Variants in RBFOX1 observed in about 807,000 individuals in gnomAD.
RBFOX1 encodes RNA binding fox-1 homolog 1, also known as RNA binding protein fox-1 homolog 1.
A neutral mutation model predicts 57.7 loss-of-function variants in RBFOX1; 8 were observed. The observed-to-expected ratio is 0.14, with a 90% CI of 0.08 to 0.25. The LOEUF is 0.25. Among genes scored for constraint, RBFOX1 ranks in the 10% least tolerant of loss-of-function variants. The pLI is 1.00. For synonymous variants in RBFOX1, 326 were observed against 222.4 expected, an observed-to-expected ratio of 1.47 and a Z score of -4.15; for missense variants, 611 against 548.5, an observed-to-expected ratio of 1.11 and a Z score of -1.14.
intron 2 of RBFOX1, among the ~76,000 whole-genome samples, chr16:6,458,660 G>A (rs961823365): frequency 5.9e-5 from 9 of 152,206 alleles, no homozygotes; most frequent in Non-Finnish European, 1.0e-4. Flanking sequence ...TATATGCAGA[G>A]GCCCCTCAAA....
intron 2 of RBFOX1, among the ~76,000 whole-genome samples, chr16:5,528,068 T>C (rs1411697266): frequency 6.6e-6 from 1 of 152,174 alleles, no homozygotes; most frequent in Non-Finnish European, 1.5e-5. Flanking sequence ...ATTTACTGCA[T>C]GGATTTAGTC....
intron 4 of RBFOX1, among the ~76,000 whole-genome samples, chr16:6,005,732 G>A (rs967686846): frequency 6.6e-5 from 10 of 152,208 alleles, no homozygotes; most frequent in Non-Finnish European, 2.9e-5. Context: ...AGTCTGTTCA[G>A]TAGAGATATT....
intron 3 of RBFOX1, among the ~76,000 whole-genome samples, chr16:5,657,622 C>CTTTCTTTCTT (rs1433340400): frequency 2.9e-5 from 3 of 102,998 alleles, no homozygotes; most frequent in Non-Finnish European, 3.7e-5. Context: ...CTTTCTTTCT[C>CTTTCTTTCTT]TCTTTCTTTC....
Position 5,698,367 on chromosome 16 carries a change from T to C in RBFOX1, c.318+99406T>C, listed in dbSNP as rs149297866. On this transcript the variant is annotated intron_variant, in intron 3 of 19. Transcript: ENST00000641259. Reference sequence around the variant, plus strand: ...TTTTTTGCTTTTGGGGTGTGTATATTAGATAGACAAGGCAACTTTGATCAT... The same window carrying C: ...TTTTTTGCTTTTGGGGTGTGTATATCAGATAGACAAGGCAACTTTGATCAT... Among the ~76,000 whole-genome samples the C allele has an allele frequency of 8.9e-3, 1,360 of 152,284 alleles. 30 individuals are homozygous for C. Among genetic ancestry groups the C allele is most frequent in the African/African-American group, 0.031 (1,300 of 41,560 alleles).
At chr16:7,653,474 C>A (rs939553346) in intron 11 of RBFOX1, among the ~76,000 whole-genome samples, 1 of 152,180 alleles carries the variant, frequency 6.6e-6, no homozygotes, top group Non-Finnish European at 1.5e-5. Context: ...CCACTGCACT[C>A]CAGCCTGGGT....
intron 1 of RBFOX1, among the ~76,000 whole-genome samples, chr16:6,237,221 T>G (rs920783501): frequency 2.0e-5 from 3 of 152,216 alleles, no homozygotes; most frequent in Admixed American, 6.5e-5. Flanking sequence ...TTCGTCTTTG[T>G]TATCTTGCTA....
chr16:5,940,563 G>A (rs1001200108), intron 4 of RBFOX1, among the ~76,000 whole-genome samples: 1 of 152,104 alleles, frequency 6.6e-6, no homozygotes, highest in Admixed American at 6.6e-5. Flanking sequence ...GCTTGCTTTG[G>A]GAAATTATAA....
At chr16:7,273,329 C>T (rs1047517705) in intron 4 of RBFOX1, among the ~76,000 whole-genome samples, 2 of 151,032 alleles carry the variant, frequency 1.3e-5, no homozygotes, top group Admixed American at 6.6e-5. Context: ...GCACTCTCTG[C>T]TGTGTCTTTA....
chr16:5,688,117 C>T (rs909232298), intron 3 of RBFOX1, among the ~76,000 whole-genome samples: 4 of 152,172 alleles, frequency 2.6e-5, no homozygotes, highest in Admixed American at 6.5e-5. Flanking sequence ...TTATTATACT[C>T]TTGTAGTTCT....
At chr16:5,385,066 A>G (rs1387393354) in intron 1 of RBFOX1, among the ~76,000 whole-genome samples, 1 of 152,228 alleles carries the variant, frequency 6.6e-6, no homozygotes, top group African/African-American at 2.4e-5. Flanking sequence ...AGAATAGTCA[A>G]ATGTATTTTG....
chr16:6,470,186 G>A (rs2095141895), intron 2 of RBFOX1, among the ~76,000 whole-genome samples: 1 of 152,170 alleles, frequency 6.6e-6, no homozygotes, highest in South Asian at 2.1e-4. Flanking sequence ...GGTAGGGCTG[G>A]CTGTTTGTCT....
intron 4 of RBFOX1, among the ~76,000 whole-genome samples, chr16:7,375,257 A>C (rs1284048613): frequency 6.6e-6 from 1 of 152,196 alleles, no homozygotes; most frequent in African/African-American, 2.4e-5. Flanking sequence ...GTCTGTATTC[A>C]AAGACAGGAC....
intron 5 of RBFOX1, among the ~76,000 whole-genome samples, chr16:7,566,839 T>G (rs146358122): frequency 3.1e-4 from 47 of 152,184 alleles, no homozygotes; most frequent in African/African-American, 1.1e-3. Context: ...CCAGGGAGCT[T>G]GTGAACTTTC....
intron 2 of RBFOX1, among the ~76,000 whole-genome samples, chr16:5,575,180 A>C (rs2046411919): frequency 6.6e-6 from 1 of 152,090 alleles, no homozygotes; most frequent in Non-Finnish European, 1.5e-5. Flanking sequence ...CCCTAAACAC[A>C]CCCTAACTTG....
intron 1 of RBFOX1, among the ~76,000 whole-genome samples, chr16:5,441,153 G>T (rs1212272718): frequency 6.6e-6 from 1 of 152,006 alleles, no homozygotes; most frequent in African/African-American, 2.4e-5. Context: ...TTGGGTAGTG[G>T]GTCCCTAGTT....
At chr16:6,043,600 G>C (rs1372929131) in intron 1 of RBFOX1, among the ~76,000 whole-genome samples, 1 of 152,168 alleles carries the variant, frequency 6.6e-6, no homozygotes, top group African/African-American at 2.4e-5. Context: ...CTCCCTTTTG[G>C]CGATGGCCAG....
chr16:6,101,897 A>G (rs1432264917), intron 1 of RBFOX1, among the ~76,000 whole-genome samples: 1 of 151,728 alleles, frequency 6.6e-6, no homozygotes, highest in Non-Finnish European at 1.5e-5. Flanking sequence ...CGTTCCTGGG[A>G]GGTGATTATT....
chr16:6,768,062 C>T (rs1001354027), intron 3 of RBFOX1, among the ~76,000 whole-genome samples: 2 of 151,638 alleles, frequency 1.3e-5, no homozygotes, highest in African/African-American at 2.4e-5. Context: ...AGTGAATTTT[C>T]TCCCTTAGTT....
intron 2 of RBFOX1, among the ~76,000 whole-genome samples, chr16:5,506,258 A>G (rs1421926841): frequency 6.6e-6 from 1 of 152,216 alleles, no homozygotes; most frequent in Non-Finnish European, 1.5e-5. Flanking sequence ...TGCACCAGCA[A>G]CTTGCTCCAG....
Sources: gnomAD v4.1 joint callset for allele counts (sites outside exome capture counted in the v4.1 genomes callset) on GRCh38, gnomAD v4.1.1 for gene constraint, MANE v1.5 for transcripts, NCBI Gene and HGNC (gene_info 2026-07-23, HGNC 2026-07-21) for gene names.